Variants in AFMID observed in about 807,000 individuals in gnomAD.
The protein encoded by AFMID is kynurenine formamidase.
In AFMID, 39 loss-of-function variants were observed where a neutral mutation model predicts 47.5. The ratio of observed to expected loss-of-function variants is 0.82; its 90% CI spans 0.64 to 1.07. AFMID has a LOEUF of 1.07. AFMID is among the 50% of genes least tolerant of loss of function. AFMID has a pLI of 0.00. For missense variants in AFMID, 375 were observed against 387.5 expected (o/e 0.97, Z 0.27); for synonymous variants, 130 against 153.2 (o/e 0.85, Z 1.12).
intron 2 of AFMID, chr17:78,192,733 C>T (rs2076005900): frequency 2.2e-6 from 1 of 459,494 alleles, no homozygotes; most frequent in Non-Finnish European, 4.6e-6. Context: ...ATCTGAACAC[C>T]TGGTAATGCA....
At chr17:78,196,917 G>A (rs553134024) in intron 2 of AFMID, among the ~76,000 whole-genome samples, 2 of 152,094 alleles carry the variant, frequency 1.3e-5, no homozygotes, top group African/African-American at 2.4e-5. Context: ...GGCCCTCTGT[G>A]GGGGGCATGA....
intron 2 of AFMID, 93 bp from the exon 3 acceptor site, chr17:78,202,406 G>C: frequency 7.8e-7 from 1 of 1,285,182 alleles, no homozygotes; most frequent in Non-Finnish European, 1.1e-6. Context: ...TCCAGCTTGG[G>C]CAACAGAGTG....
intron 2 of AFMID, among the ~76,000 whole-genome samples, chr17:78,192,974 G>A (rs73377451): frequency 9.9e-5 from 15 of 152,132 alleles, no homozygotes; most frequent in South Asian, 2.1e-4. Flanking sequence ...AATAGATTGG[G>A]GGGGAGCTGT....
intron 2 of AFMID, 140 bp downstream of exon 2, chr17:78,191,200 C>T (rs1218173599): frequency 1.5e-5 from 11 of 714,644 alleles, no homozygotes; most frequent in Non-Finnish European, 2.6e-5. Flanking sequence ...ACTTTATAAA[C>T]CTCCCTGCTC....
At chr17:78,206,138 C>G in intron 10 of AFMID, 88 bp downstream of exon 10, 1 of 1,102,318 alleles carries the variant, frequency 9.1e-7, no homozygotes, top group African/African-American at 1.5e-5. Flanking sequence ...GAGTTCAAGA[C>G]CAGCCTGGCC....
chr17:78,206,966 G>A lies in AFMID; in HGVS notation c.*29G>A, dbSNP rs201786645. ...TGACGATACTTGGAGCCTGGTCCAC[G>A]TGCATCCCACCTTGGGAAGCCTCTC... On this transcript the variant is annotated 3_prime_UTR_variant, in exon 11 of 11. Coordinates refer to ENST00000409257, the MANE Select transcript of AFMID (RefSeq NM_001010982.5). 281 of 1,612,666 alleles carry A rather than the reference G, an allele frequency of 1.7e-4. No homozygotes were observed. Among genetic ancestry groups the A allele is most frequent in the East Asian group, 3.1e-4 (14 of 44,864 alleles).
At chr17:78,205,843 C>T (rs2076366408) in intron 9 of AFMID, 103 bp from the exon 10 acceptor site, 5 of 1,595,076 alleles carry the variant, frequency 3.1e-6, no homozygotes, top group Middle Eastern at 1.7e-4. Flanking sequence ...ATTTATTTAA[C>T]ACGTACTGAG....
chr17:78,187,850 G>A (rs1030160278), intron 1 of AFMID, among the ~76,000 whole-genome samples: 6 of 151,390 alleles, frequency 4.0e-5, no homozygotes, highest in African/African-American at 1.5e-4. Flanking sequence ...TACTGGGGAG[G>A]CTGAGACAGG....
chr17:78,206,696 C>CCTT (rs374993010), intron 10 of AFMID, among the ~76,000 whole-genome samples: 4 of 151,360 alleles, frequency 2.6e-5, no homozygotes, highest in Middle Eastern at 3.2e-3. Flanking sequence ...CCCTACCCCC[C>CCTT]CTTCTTCTTC....
intron 7 of AFMID, 86 bp downstream of exon 7, chr17:78,205,276 G>T: frequency 2.1e-6 from 3 of 1,461,010 alleles, no homozygotes; most frequent in Non-Finnish European, 2.8e-6. Flanking sequence ...AAATCCTCCC[G>T]GCCATGAGTG....
chr17:78,189,700 C>T (rs777922377), intron 1 of AFMID, among the ~76,000 whole-genome samples: 8 of 145,924 alleles, frequency 5.5e-5, no homozygotes, highest in Non-Finnish European at 9.3e-5. Context: ...TCATATTTTT[C>T]GTAGAGATAG....
intron 9 of AFMID, 47 bp downstream of exon 9, chr17:78,205,785 C>T (rs1488009060): frequency 5.6e-6 from 9 of 1,602,866 alleles, no homozygotes; most frequent in African/African-American, 1.3e-5. Context: ...GTCATGTGGG[C>T]TCATTATTTT....
intron 2 of AFMID, 105 bp downstream of exon 2, chr17:78,191,165 G>C (rs759771665): frequency 1.1e-5 from 11 of 965,246 alleles, no homozygotes; most frequent in Admixed American, 1.1e-4. Context: ...CCTGGGCCTC[G>C]AGGGGCATTT....
chr17:78,202,089 G>A (rs560482912), intron 2 of AFMID, among the ~76,000 whole-genome samples: 2 of 151,980 alleles, frequency 1.3e-5, no homozygotes, highest in Admixed American at 6.6e-5. Context: ...CAACTTAAGG[G>A]AGCTTTCAGC....
At chr17:78,202,983 T>C (rs1452346508) in intron 4 of AFMID, 2 of 575,338 alleles carry the variant, frequency 3.5e-6, no homozygotes, top group Admixed American at 6.0e-5. Context: ...TTAGCTTGTG[T>C]CTGCATAGCT....
chr17:78,194,102 T>A (rs2076046666), intron 2 of AFMID, among the ~76,000 whole-genome samples: 1 of 146,044 alleles, frequency 6.8e-6, no homozygotes, highest in Non-Finnish European at 1.5e-5. Context: ...TATTTCTTTA[T>A]GTATTGGGTT....
Position 78,207,043 on chromosome 17 carries a change from G to C in AFMID, c.*106G>C. ...CAGCTTCAGTTTCCCCCAGCACCCA[G>C]GAGAGCCTTGCTGTGTCTGTCTGCC... On this transcript the variant is annotated 3_prime_UTR_variant, in exon 11 of 11. Transcript: ENST00000409257. The C allele has an allele frequency of 8.1e-7, 1 of 1,237,958 alleles. No homozygotes were observed. Among genetic ancestry groups the C allele is most frequent in the Non-Finnish European group, 1.2e-6 (1 of 840,402 alleles). 76.7% of individuals were successfully genotyped at this position (1,237,958 alleles called of 1,614,324 possible). A position where few individuals can be genotyped will look rare whatever the true frequency, so the allele number is the denominator to read the frequency against.
chr17:78,191,304 T>A (rs1221962291), intron 2 of AFMID, among the ~76,000 whole-genome samples: 1 of 152,148 alleles, frequency 6.6e-6, no homozygotes, highest in Non-Finnish European at 1.5e-5. Flanking sequence ...TGCCTGGCCT[T>A]TCTTGCTCAG....
intron 2 of AFMID, among the ~76,000 whole-genome samples, chr17:78,202,050 G>T (rs2076258046): frequency 6.6e-6 from 1 of 151,876 alleles, no homozygotes; most frequent in African/African-American, 2.4e-5. Context: ...CTTTCGATGG[G>T]AGGTGCTCAG....
Sources: gnomAD v4.1 joint callset for allele counts (sites outside exome capture counted in the v4.1 genomes callset) on GRCh38, gnomAD v4.1.1 for gene constraint, MANE v1.5 for transcripts, NCBI Gene and HGNC (gene_info 2026-07-23, HGNC 2026-07-21) for gene names.